TFB1M: variants seen among roughly 807,000 people sequenced by gnomAD.
TFB1M encodes the protein transcription factor B1, mitochondrial.
A neutral mutation model predicts 31.1 loss-of-function variants in TFB1M; 27 were observed. That is an observed-to-expected ratio of 0.87 (90% confidence interval 0.64 to 1.20). The LOEUF is 1.20. Ranked by LOEUF, TFB1M falls within the 50% of genes most tolerant of loss-of-function variation. The probability of loss-of-function intolerance (pLI) is 0.00; values close to 1 mark genes in which losing one functional copy is unlikely to be tolerated. For missense variants in TFB1M, 394 were observed against 418.7 expected (o/e 0.94, Z 0.51); for synonymous variants, 166 against 151.8 (o/e 1.09, Z -0.69).
At chr6:155,309,800 C>T (rs901554426) in intron 2 of TFB1M, among the ~76,000 whole-genome samples, 7 of 152,180 alleles carry the variant, frequency 4.6e-5, no homozygotes, top group East Asian at 1.9e-4. Context: ...AATATTCCCA[C>T]GTCCACCTCC....
At chr6:155,260,209 CT>C (rs1474547660) in intron 6 of TFB1M, 63 bp downstream of exon 6, 21 of 1,574,226 alleles carry the variant, frequency 1.3e-5, no homozygotes, top group African/African-American at 2.7e-5. Context: ...AAGGTTCTCA[CT>C]CTTAAAAAGT....
At chr6:155,305,024 C>T (rs1235299519) in intron 2 of TFB1M, among the ~76,000 whole-genome samples, 1 of 146,066 alleles carries the variant, frequency 6.8e-6, no homozygotes, top group Non-Finnish European at 1.5e-5. Context: ...TTACCTCACA[C>T]TATATGCAAG....
chr6:155,249,403 T>C, the TFB1M span, among the ~76,000 whole-genome samples: 2 of 152,158 alleles, frequency 1.3e-5, no homozygotes. Flanking sequence ...CAGTCAGGCT[T>C]GGGTTTGAAG....
At chr6:155,252,858 G>C, downstream of TFB1M, 3 of 1,217,992 alleles carry the variant, frequency 2.5e-6, no homozygotes, top group Non-Finnish European at 3.6e-6. Context: ...CTCGCCCACA[G>C]GGAGAACATA....
At chr6:155,261,793 G>A (rs908916177) in intron 5 of TFB1M, among the ~76,000 whole-genome samples, 3 of 152,178 alleles carry the variant, frequency 2.0e-5, no homozygotes, top group South Asian at 2.1e-4. Context: ...GTGGGCTGGC[G>A]CATGCTGAGA....
At chr6:155,266,096 TCTC>T (rs1205304631) in intron 5 of TFB1M, among the ~76,000 whole-genome samples, 1 of 152,048 alleles carries the variant, frequency 6.6e-6, no homozygotes, top group Non-Finnish European at 1.5e-5. Context: ...CAAATGTTAA[TCTC>T]CTTTGACAAC....
At chr6:155,281,513 G>C (rs561495341) in intron 5 of TFB1M, among the ~76,000 whole-genome samples, 16 of 152,178 alleles carry the variant, frequency 1.1e-4, no homozygotes, top group Non-Finnish European at 1.8e-4. Context: ...CCTGAGGCCA[G>C]GAGTTCGAGA....
intron 5 of TFB1M, chr6:155,264,046 G>A (rs1297451261): frequency 6.6e-6 from 1 of 152,210 alleles, no homozygotes; most frequent in Non-Finnish European, 1.5e-5. Context: ...GGGCAGACCT[G>A]GGTGGTTGGG....
intron 4 of TFB1M, among the ~76,000 whole-genome samples, chr6:155,294,631 A>C (rs545670968): frequency 6.6e-6 from 1 of 152,368 alleles, no homozygotes; most frequent in Non-Finnish European, 1.5e-5. Context: ...CCCTGAGATT[A>C]ATAAAAATGT....
chr6:155,301,934 T>C (rs542746007), intron 2 of TFB1M, among the ~76,000 whole-genome samples: 2 of 152,168 alleles, frequency 1.3e-5, no homozygotes, highest in African/African-American at 2.4e-5. Flanking sequence ...CATGAAACAA[T>C]GTAATAAACA....
At position 155,258,091 on chromosome 6, in the gene TFB1M, A is replaced by C; in HGVS notation, c.795-9T>G. ...CTTCAGGGAATAACATTCTGAGGGG[A>C]AGACAGACAGACAGAAAAATAAGAA... On this transcript the variant is annotated splice_polypyrimidine_tract_variant and intron_variant, in intron 6 of 6. Coordinates refer to ENST00000367166, the MANE Select transcript of TFB1M (RefSeq NM_016020.4). 1.2e-6 allele frequency: 2 copies of C among 1,609,418 alleles called. No homozygotes were observed. The highest frequency in any genetic ancestry group is 1.7e-6 in the Non-Finnish European group (2 of 1,176,198).
At chr6:155,261,238 G>C (rs1167050102) in intron 5 of TFB1M, among the ~76,000 whole-genome samples, 1 of 152,216 alleles carries the variant, frequency 6.6e-6, no homozygotes, top group Non-Finnish European at 1.5e-5. Flanking sequence ...CATGGTCTAG[G>C]AAATGGGAAG....
At chr6:155,235,575 C>T in the TFB1M span, among the ~76,000 whole-genome samples, 7 of 152,260 alleles carry the variant, frequency 4.6e-5, no homozygotes, top group African/African-American at 1.7e-4. Flanking sequence ...ACTCCTTCAG[C>T]TACAATCTGA....
intron 5 of TFB1M, chr6:155,275,590 A>G (rs1383338713): frequency 2.3e-6 from 2 of 887,012 alleles, no homozygotes; most frequent in Non-Finnish European, 3.5e-6. Flanking sequence ...CTTTCGCTCA[A>G]TCCTGGTTTT....
At chr6:155,308,424 ATAAC>A in intron 2 of TFB1M, among the ~76,000 whole-genome samples, 1 of 152,318 alleles carries the variant, frequency 6.6e-6, no homozygotes, top group South Asian at 2.1e-4. Context: ...CTGATTACTT[ATAAC>A]TAAGATATTA....
downstream of TFB1M, chr6:155,253,790 C>T (rs902826714): frequency 9.5e-6 from 5 of 527,582 alleles, no homozygotes; most frequent in Admixed American, 3.7e-5. Context: ...TAAAAAGTAA[C>T]CAAAAGGCAT....
At chr6:155,285,813 A>T (rs1343274082) in intron 4 of TFB1M, among the ~76,000 whole-genome samples, 1 of 152,178 alleles carries the variant, frequency 6.6e-6, no homozygotes, top group Non-Finnish European at 1.5e-5. Context: ...TTATTCTTTT[A>T]AACACTCAAA....
At chr6:155,243,846 CAAAAAAAAAAAAAAA>C in the TFB1M span, among the ~76,000 whole-genome samples, 6 of 55,026 alleles carry the variant, frequency 1.1e-4, no homozygotes, top group South Asian at 1.1e-3. Flanking sequence ...GACTCCGTCT[CAAAAAAAAAAAAAAA>C]AAAAAAAAAA....
chr6:155,308,158 G>A (rs1281836301), intron 2 of TFB1M, among the ~76,000 whole-genome samples: 2 of 152,170 alleles, frequency 1.3e-5, no homozygotes, highest in African/African-American at 2.4e-5. Context: ...TCATAAAAAT[G>A]TAACAAGAAA....
Sources: gnomAD v4.1 joint callset for allele counts (sites outside exome capture counted in the v4.1 genomes callset) on GRCh38, gnomAD v4.1.1 for gene constraint, MANE v1.5 for transcripts, NCBI Gene and HGNC (gene_info 2026-07-23, HGNC 2026-07-21) for gene names.